The following CNIH3 variants were observed in gnomAD, a reference collection of about 807,000 sequenced individuals.
CNIH3 encodes the protein cornichon family AMPA receptor auxiliary protein 3.
CNIH3 carries 14 observed loss-of-function variants against 24.1 expected under a neutral mutation model. The observed-to-expected ratio is 0.58, with a 90% CI of 0.38 to 0.91. The LOEUF is 0.91. CNIH3 is among the 40% of genes least tolerant of loss of function. CNIH3 has a pLI of 0.00. For missense variants in CNIH3, 178 were observed against 196.8 expected (o/e 0.90, Z 0.57); for synonymous variants, 68 against 73.8 (o/e 0.92, Z 0.40).
intron 2 of CNIH3, among the ~76,000 whole-genome samples, chr1:224,535,461 C>CA (rs1679246512): frequency 6.6e-6 from 1 of 152,228 alleles, no homozygotes; most frequent in African/African-American, 2.4e-5. Flanking sequence ...TACAGCATCA[C>CA]TGAGAAACAA....
At chr1:224,686,906 CTG>C (rs1686689649) in intron 3 of CNIH3, among the ~76,000 whole-genome samples, 1 of 152,216 alleles carries the variant, frequency 6.6e-6, no homozygotes, top group Non-Finnish European at 1.5e-5. Flanking sequence ...AAACAATAAA[CTG>C]AGGCATTTTA....
At chr1:224,446,857 G>A (rs1675186077) in intron 1 of CNIH3, among the ~76,000 whole-genome samples, 1 of 152,074 alleles carries the variant, frequency 6.6e-6, no homozygotes. Flanking sequence ...AAGGGAGCTG[G>A]AGCCAGACTG....
intron 3 of CNIH3, chr1:224,565,875 G>T (rs1680559834): frequency 6.6e-6 from 1 of 152,164 alleles, no homozygotes; most frequent in Non-Finnish European, 1.5e-5. Flanking sequence ...CACACTGGGT[G>T]CTCAGTGGTT....
chr1:224,575,690 G>A (rs1414666667), intron 4 of CNIH3, among the ~76,000 whole-genome samples: 1 of 151,866 alleles, frequency 6.6e-6, no homozygotes, highest in South Asian at 2.1e-4. Flanking sequence ...AGTTTTGACT[G>A]CTTGGAAATG....
At chr1:224,661,707 T>G (rs1685363852) in intron 1 of CNIH3, 1 of 194,988 alleles carries the variant, frequency 5.1e-6, no homozygotes, top group African/African-American at 2.4e-5. Context: ...TAAGCTATCT[T>G]ATTTTCTAGC....
intron 1 of CNIH3, among the ~76,000 whole-genome samples, chr1:224,625,853 CA>C (rs1254140272): frequency 7.2e-5 from 11 of 152,292 alleles, no homozygotes; most frequent in African/African-American, 2.4e-4. Flanking sequence ...GAGGCTGATG[CA>C]GGGGGCTGCA....
chr1:224,658,721 CTT>C (rs56192840), intron 1 of CNIH3, among the ~76,000 whole-genome samples: 1 of 146,140 alleles, frequency 6.8e-6, no homozygotes. Context: ...TCTCTCCCCT[CTT>C]TTTTTTTTTC....
At chr1:224,733,889 C>T (rs984347382) in intron 4 of CNIH3, among the ~76,000 whole-genome samples, 1 of 152,134 alleles carries the variant, frequency 6.6e-6, no homozygotes, top group African/African-American at 2.4e-5. Context: ...TCTCACCAAG[C>T]CTGACGGCTC....
At chr1:224,606,074 G>A (rs2125046201) in intron 3 of CNIH3, among the ~76,000 whole-genome samples, 1 of 152,298 alleles carries the variant, frequency 6.6e-6, no homozygotes, top group South Asian at 2.1e-4. Context: ...CGGGATGAGT[G>A]CTTCTGGGTG....
upstream of CNIH3, among the ~76,000 whole-genome samples, chr1:224,611,827 G>A (rs1682714653): frequency 6.6e-6 from 1 of 152,142 alleles, no homozygotes; most frequent in Non-Finnish European, 1.5e-5. Flanking sequence ...ACTGCCTTGT[G>A]AAGGAATTAC....
intron 4 of CNIH3, among the ~76,000 whole-genome samples, chr1:224,568,107 T>C (rs943561618): frequency 1.3e-5 from 2 of 152,114 alleles, no homozygotes; most frequent in South Asian, 2.1e-4. Flanking sequence ...CTGGCCAACA[T>C]GGTAAAACCC....
Position 224,661,276 on chromosome 1 carries a change from C to T in CNIH3, c.82-19682C>T, listed in dbSNP as rs184398058. The T allele has an allele frequency of 1.8e-3, 540 of 304,030 alleles. 1 individual carries two copies. The highest frequency in any genetic ancestry group is 0.013 in the Middle Eastern group (9 of 712). 18.8% of individuals were successfully genotyped at this position (304,030 alleles called of 1,614,324 possible). ...TCTTTCTTGACCATTCTTGACAATCCTTTTTTTAGTAATTTTTTTGCCATT... is the reference window on the plus strand; with the variant it reads ...TCTTTCTTGACCATTCTTGACAATCTTTTTTTTAGTAATTTTTTTGCCATT... On this transcript the variant is annotated intron_variant, in intron 1 of 5. Transcript: ENST00000272133.
intron 1 of CNIH3, among the ~76,000 whole-genome samples, chr1:224,452,373 C>T (rs1478470914): frequency 6.6e-6 from 1 of 151,920 alleles, no homozygotes; most frequent in Non-Finnish European, 1.5e-5. Context: ...TGGTCTCAAA[C>T]TCCTGACCTC....
downstream of CNIH3, chr1:224,537,113 T>A (rs1325840437): frequency 1.3e-5 from 2 of 152,112 alleles, no homozygotes; most frequent in Non-Finnish European, 2.9e-5. Flanking sequence ...AAAGATTTTT[T>A]AAAAAGGAAA....
chr1:224,663,544 A>G (rs1183979935), intron 1 of CNIH3, among the ~76,000 whole-genome samples: 1 of 152,140 alleles, frequency 6.6e-6, no homozygotes, highest in Non-Finnish European at 1.5e-5. Context: ...TGGACCCACA[A>G]AACATACTTG....
intron 3 of CNIH3, among the ~76,000 whole-genome samples, chr1:224,695,742 C>T (rs1229566974): frequency 2.6e-5 from 4 of 152,334 alleles, no homozygotes; most frequent in African/African-American, 7.2e-5. Context: ...GAATGATGAT[C>T]GCTCAGGCTC....
chr1:224,610,138 G>C (rs1682614826), intron 3 of CNIH3, among the ~76,000 whole-genome samples: 1 of 152,190 alleles, frequency 6.6e-6, no homozygotes, highest in African/African-American at 2.4e-5. Context: ...GTAGGCTAAT[G>C]TAAGTATTCT....
downstream of CNIH3, among the ~76,000 whole-genome samples, chr1:224,538,320 A>T (rs1379357871): frequency 6.6e-6 from 1 of 152,122 alleles, no homozygotes; most frequent in Non-Finnish European, 1.5e-5. Flanking sequence ...TCTCTGCTTA[A>T]TTCATCCCAT....
chr1:224,490,000 A>T (rs1677180883), intron 1 of CNIH3, among the ~76,000 whole-genome samples: 1 of 152,222 alleles, frequency 6.6e-6, no homozygotes, highest in Admixed American at 6.5e-5. Context: ...AAACATTCAG[A>T]TCATAGCAAT....
Sources: gnomAD v4.1 joint callset for allele counts (sites outside exome capture counted in the v4.1 genomes callset) on GRCh38, gnomAD v4.1.1 for gene constraint, MANE v1.5 for transcripts, NCBI Gene and HGNC (gene_info 2026-07-23, HGNC 2026-07-21) for gene names.